Variants in DSCAM observed in about 807,000 individuals in gnomAD.
The protein encoded by DSCAM is DS cell adhesion molecule.
Under a neutral mutation model 217.7 loss-of-function variants are expected in DSCAM, and 47 were observed. The ratio of observed to expected loss-of-function variants is 0.22; its 90% confidence interval spans 0.17 to 0.28. The LOEUF is 0.28. DSCAM is among the 10% of genes least tolerant of loss of function. DSCAM has a pLI of 1.00. For synonymous variants in DSCAM, 1,056 were observed against 1,015.3 expected (o/e 1.04, Z -0.76); for missense variants, 2,080 against 2,618.3 (o/e 0.79, Z 4.49).
intron 10 of DSCAM, among the ~76,000 whole-genome samples, chr21:40,284,427 C>T (rs1424496547): frequency 6.6e-6 from 1 of 152,196 alleles, no homozygotes; most frequent in African/African-American, 2.4e-5. Context: ...CCTCTAAACT[C>T]TGCCCTAAAT....
At chr21:40,646,410 CA>C (rs112111569) in intron 3 of DSCAM, among the ~76,000 whole-genome samples, 13,919 of 128,690 alleles carry the variant, frequency 0.11, 680 homozygotes, top group Middle Eastern at 0.21. Flanking sequence ...GAGACTCTGT[CA>C]AAAAAAAAAA....
At chr21:40,645,329 G>T (rs977695927) in intron 3 of DSCAM, among the ~76,000 whole-genome samples, 1 of 152,170 alleles carries the variant, frequency 6.6e-6, no homozygotes, top group East Asian at 1.9e-4. Context: ...ATAACTGAAT[G>T]TAAAGTATCC....
chr21:40,517,123 GTA>G lies in DSCAM; in HGVS notation c.509-147880_509-147879del, dbSNP rs576161361. Among the ~76,000 whole-genome samples, 67 of 146,200 alleles carry G rather than the reference GTA, an allele frequency of 4.6e-4. No individual in the cohort carries two copies. In the South Asian group the frequency reaches 4.9e-3, roughly 11 times the overall value. On this transcript the variant is annotated intron_variant, in intron 3 of 32. Transcript: ENST00000400454. ...ATATACCCCCACACATACCTTATGTGTATATATATATACCTTATATATTTACA... is the reference window on the plus strand; with the variant it reads ...ATATACCCCCACACATACCTTATGTGTATATATATACCTTATATATTTACA...
chr21:40,615,812 T>C (rs2089385885), intron 3 of DSCAM, among the ~76,000 whole-genome samples: 1 of 152,134 alleles, frequency 6.6e-6, no homozygotes, highest in African/African-American at 2.4e-5. Context: ...TTTGCCTGTG[T>C]CCTGGGTCTT....
chr21:40,195,345 T>C (rs995259120), intron 11 of DSCAM, among the ~76,000 whole-genome samples: 2 of 151,884 alleles, frequency 1.3e-5, no homozygotes, highest in African/African-American at 4.8e-5. Flanking sequence ...AGAAAACAGA[T>C]TGAAAAGAAA....
chr21:40,142,501 A>G, intron 18 of DSCAM, 57 bp downstream of exon 18: 3 of 1,601,216 alleles, frequency 1.9e-6, no homozygotes, highest in Non-Finnish European at 2.6e-6. Context: ...AGGGGTCTGC[A>G]AATTCCATCA....
At chr21:40,678,422 C>T (rs1218837889) in intron 3 of DSCAM, among the ~76,000 whole-genome samples, 1 of 152,218 alleles carries the variant, frequency 6.6e-6, no homozygotes, top group Admixed American at 6.5e-5. Flanking sequence ...TGACTTTTCA[C>T]ATCTGGGTGC....
At chr21:40,039,909 T>C (rs1396205765) in intron 32 of DSCAM, among the ~76,000 whole-genome samples, 1 of 152,156 alleles carries the variant, frequency 6.6e-6, no homozygotes, top group Non-Finnish European at 1.5e-5. Flanking sequence ...TGGAAGACTA[T>C]AAACAGAAAC....
At chr21:40,397,626 C>T (rs2075191868) in intron 3 of DSCAM, among the ~76,000 whole-genome samples, 1 of 152,088 alleles carries the variant, frequency 6.6e-6, no homozygotes, top group South Asian at 2.1e-4. Context: ...CAGTGATTGG[C>T]ATTCATGTGG....
At chr21:40,637,130 AAT>A (rs1167157977) in intron 3 of DSCAM, among the ~76,000 whole-genome samples, 5 of 53,392 alleles carry the variant, frequency 9.4e-5, no homozygotes, top group South Asian at 1.2e-3. Flanking sequence ...TATATATATA[AAT>A]ATATAAATAT....
In DSCAM at chr21:40,450,403, C is replaced by T. The variant is rs545548793; in HGVS notation, c.509-81158G>A. Among the ~76,000 whole-genome samples the T allele has an allele frequency of 2.6e-5, 4 of 152,234 alleles. No homozygotes were observed. The East Asian group carries it at 7.7e-4, about 29-fold the overall frequency. ...TTTGCCTTCAAATTCTGGCCACAAT[C>T]TTATTAATTCATTCACAACTACATG... On this transcript the variant is annotated intron_variant, in intron 3 of 32. Coordinates refer to ENST00000400454, the MANE Select transcript of DSCAM (RefSeq NM_001389.5).
intron 3 of DSCAM, among the ~76,000 whole-genome samples, chr21:40,521,612 T>G (rs2076359861): frequency 6.6e-6 from 1 of 151,656 alleles, no homozygotes; most frequent in Non-Finnish European, 1.5e-5. Context: ...GTTCCTTATG[T>G]ATTCTGAATA....
chr21:40,846,620 A>C lies in DSCAM; in HGVS notation c.42T>G (p.Asn14Lys). 6.3e-6 allele frequency: 8 copies of C among 1,270,210 alleles called. No homozygotes were observed. Among genetic ancestry groups the C allele is most frequent in the African/African-American group, 1.8e-5 (1 of 54,858 alleles). The allele number at this position is 1,270,210 out of a possible 1,614,324, so 78.7% of individuals were successfully genotyped here. The change falls in exon 1 of 33, where the codon AAT (asparagine) becomes AAG (lysine). Residue 14 changes from asparagine (N) to lysine (K), a missense_variant and splice_region_variant. Around this residue, in one of 5 missense-constraint regions of DSCAM, gnomAD observed 568 missense variants for 678.1 expected, o/e 0.84. Coordinates refer to ENST00000400454, the MANE Select transcript of DSCAM (RefSeq NM_001389.5). ...LALSLFQSFA[N>K]VFSEDLHSSL... ...TTCATCACAAACCGAAAGGCTCACC[A>C]TTCGCGAAGCTCTGGAACAAGGAGA...
chr21:40,498,779 GTGTA>G lies in DSCAM; in HGVS notation c.509-129538_509-129535del, dbSNP rs55916359. ...TATGGGTGTATATATATATATGGGT[GTGTA>G]TATATATATATATATATATATATAT... On this transcript the variant is annotated intron_variant, in intron 3 of 32. Transcript: ENST00000400454. Among the ~76,000 whole-genome samples, 417 of 69,940 alleles carry G rather than the reference GTGTA, an allele frequency of 6.0e-3. 10 individuals are homozygous for G. Among genetic ancestry groups the G allele is most frequent in the South Asian group, 9.5e-3 (15 of 1,578 alleles). The allele number at this position is 69,940 out of a possible 152,430, so 45.9% of individuals were successfully genotyped here.
chr21:40,094,720 A>G (rs890130290), intron 20 of DSCAM, among the ~76,000 whole-genome samples: 1 of 152,236 alleles, frequency 6.6e-6, no homozygotes, highest in Admixed American at 6.5e-5. Flanking sequence ...AATTAGCCCC[A>G]GGCTGAATAC....
At chr21:40,692,034 A>C (rs1301598780) in intron 3 of DSCAM, among the ~76,000 whole-genome samples, 1 of 152,264 alleles carries the variant, frequency 6.6e-6, no homozygotes, top group African/African-American at 2.4e-5. Context: ...CATGTCTAAA[A>C]AAGGCAACTA....
chr21:40,584,463 G>GA (rs2076928837), intron 3 of DSCAM, among the ~76,000 whole-genome samples: 1 of 152,196 alleles, frequency 6.6e-6, no homozygotes, highest in African/African-American at 2.4e-5. Context: ...TGAGGTGCTA[G>GA]AAAAAGCATA....
At chr21:40,054,696 T>C (rs1156656129) in intron 29 of DSCAM, among the ~76,000 whole-genome samples, 1 of 152,204 alleles carries the variant, frequency 6.6e-6, no homozygotes, top group Non-Finnish European at 1.5e-5. Flanking sequence ...GGATAACTTC[T>C]GGTTGAGGGT....
chr21:40,587,638 G>T (rs1020860018), intron 3 of DSCAM, among the ~76,000 whole-genome samples: 1 of 152,154 alleles, frequency 6.6e-6, no homozygotes, highest in Admixed American at 6.5e-5. Context: ...CATTTAAATA[G>T]TAAGAGTAAT....
Sources: allele counts gnomAD v4.1 joint callset (sites outside exome capture counted in the v4.1 genomes callset), GRCh38; gene constraint gnomAD v4.1.1; regional missense constraint gnomAD v4.1.1; transcripts MANE v1.5; gene names NCBI Gene and HGNC (gene_info 2026-07-23, HGNC 2026-07-21).